The following TMA16 variants were observed in gnomAD, a reference collection of about 807,000 sequenced individuals.
TMA16 encodes the protein translation machinery associated 16 homolog, also known as translation machinery-associated protein 16.
TMA16 carries 26 observed loss-of-function variants against 27.1 expected under a neutral mutation model. The observed-to-expected ratio is 0.96, with a 90% CI of 0.70 to 1.33. TMA16 has a LOEUF of 1.33. Among genes scored for constraint, TMA16 ranks in the 40% most tolerant of loss-of-function variants. TMA16 has a pLI of 0.00. For missense variants in TMA16, 233 were observed against 241.4 expected (o/e 0.97, Z 0.23); for synonymous variants, 71 against 81.9 (o/e 0.87, Z 0.72).
At chr4:163,517,200 C>T in intron 5 of TMA16, 1 of 493,494 alleles carries the variant, frequency 2.0e-6, no homozygotes, top group Non-Finnish European at 3.6e-6. Context: ...CCGCGCCTGG[C>T]CTAATAGCTT....
chr4:163,517,349 T>A (rs988335648), intron 5 of TMA16, 85 bp from the exon 6 acceptor site: 3 of 1,340,830 alleles, frequency 2.2e-6, no homozygotes, highest in Non-Finnish European at 3.1e-6. Flanking sequence ...TTGGATATTC[T>A]TGCTAAAAAT....
intron 1 of TMA16, among the ~76,000 whole-genome samples, chr4:163,500,917 A>ATT (rs1737641564): frequency 6.6e-6 from 1 of 152,230 alleles, no homozygotes. Flanking sequence ...GATAGAAGGC[A>ATT]AGTACTATTG....
intron 3 of TMA16, among the ~76,000 whole-genome samples, chr4:163,513,757 C>G (rs558787149): frequency 7.2e-5 from 11 of 152,114 alleles, no homozygotes; most frequent in Non-Finnish European, 1.5e-4. Flanking sequence ...TTTTGACAAG[C>G]TGTCCTTTGC....
chr4:163,519,919 T>C lies in TMA16; in HGVS notation c.*405T>C. The stretch of plus-strand genomic sequence containing the variant: ...GAGCTGTGATAATAGCAAAATTGTT[T>C]TTCGGTAATAATATCACACTAATGC... On this transcript the variant is annotated 3_prime_UTR_variant, in exon 7 of 7. Coordinates refer to ENST00000358572, the MANE Select transcript of TMA16 (RefSeq NM_018352.3). 1.8e-6 allele frequency: 1 copy of C among 558,944 alleles called. No homozygotes were observed. The allele number at this position is 558,944 out of a possible 1,614,324, so 34.6% of individuals were successfully genotyped here.
At chr4:163,500,896 G>C (rs1560912051) in intron 1 of TMA16, among the ~76,000 whole-genome samples, 1 of 152,212 alleles carries the variant, frequency 6.6e-6, no homozygotes, top group African/African-American at 2.4e-5. Context: ...CCTGTACTAT[G>C]TGTTAGAAAA....
chr4:163,517,518 G>A (rs1737899433), intron 6 of TMA16, 42 bp downstream of exon 6: 1 of 1,564,408 alleles, frequency 6.4e-7, no homozygotes, highest in Non-Finnish European at 8.7e-7. Flanking sequence ...TGTGTGTAAA[G>A]TACCTGACAG....
chr4:163,503,185 C>A (rs964524266), intron 1 of TMA16, among the ~76,000 whole-genome samples: 1 of 152,118 alleles, frequency 6.6e-6, no homozygotes, highest in African/African-American at 2.4e-5. Context: ...AAGGAAATCA[C>A]CTACTGACTC....
chr4:163,500,929 A>G (rs1737641797), intron 1 of TMA16, among the ~76,000 whole-genome samples: 2 of 152,242 alleles, frequency 1.3e-5, no homozygotes, highest in South Asian at 4.1e-4. Context: ...GTACTATTGT[A>G]TTTAAGTTGG....
At position 163,507,100 on chromosome 4, in the gene TMA16, C is replaced by G; in HGVS notation, c.71C>G (p.Ala24Gly). The change falls in exon 2 of 7, where the codon GCA becomes GGA. Residue 24 changes from alanine (A) to glycine (G), a missense_variant. Ala to Gly is a moderately conservative substitution (Grantham distance 60). Coordinates refer to ENST00000358572, the MANE Select transcript of TMA16 (RefSeq NM_018352.3). ...GTCATCCATCCATATAGTAGAAAAGCAGCTCAAATTACGAGAGAGGCCCAC... is the reference window on the plus strand; with the variant it reads ...GTCATCCATCCATATAGTAGAAAAGGAGCTCAAATTACGAGAGAGGCCCAC... The part of the protein sequence containing the change: ...KKVIHPYSRK[A>G]AQITREAHKQ... 1 of 1,593,318 alleles carries G rather than the reference C, an allele frequency of 6.3e-7. No homozygotes were observed. Among genetic ancestry groups the G allele is most frequent in the South Asian group, 1.1e-5 (1 of 87,482 alleles).
chr4:163,507,009 G>A lies in TMA16; in HGVS notation c.4-24G>A, dbSNP rs762743903. On this transcript the variant is annotated intron_variant, in intron 1 of 6. Coordinates refer to ENST00000358572, the MANE Select transcript of TMA16 (RefSeq NM_018352.3). ...GGCACTTACATATCTGACTATATGT[G>A]TCATGTGTTTTCATACATTTTAGCC... The A allele has an allele frequency of 8.4e-6, 13 of 1,551,446 alleles. No homozygotes were observed. In the South Asian group the frequency reaches 1.6e-4, roughly 19 times the overall value.
Position 163,494,899 on chromosome 4 carries a change from A to G in TMA16, c.3+95A>G, listed in dbSNP as rs182064179. On this transcript the variant is annotated intron_variant, in intron 1 of 6. Coordinates refer to ENST00000358572, the MANE Select transcript of TMA16 (RefSeq NM_018352.3). ...AGGGAGGGTGCGGTTTCGGGAACCT[A>G]GGAGAGGGGAGGATGCAAAGTGTTT... 2.7e-4 allele frequency: 409 copies of G among 1,531,970 alleles called. 2 individuals carry two copies. The African/African-American group carries it at 5.1e-3, about 19-fold the overall frequency. The allele number at this position is 1,531,970 out of a possible 1,614,324, so 94.9% of individuals were successfully genotyped here.
chr4:163,499,711 T>G (rs1263670481), intron 1 of TMA16, among the ~76,000 whole-genome samples: 3 of 151,774 alleles, frequency 2.0e-5, no homozygotes, highest in African/African-American at 7.2e-5. Context: ...GATTATATTG[T>G]TTTTTAAATT....
At chr4:163,502,399 TC>T (rs1442832688) in intron 1 of TMA16, among the ~76,000 whole-genome samples, 5 of 152,194 alleles carry the variant, frequency 3.3e-5, no homozygotes, top group Non-Finnish European at 7.4e-5. Context: ...CAGGGCAGCA[TC>T]CCACTTTCTT....
At chr4:163,507,601 T>G (rs1015471388) in intron 2 of TMA16, among the ~76,000 whole-genome samples, 22 of 152,102 alleles carry the variant, frequency 1.4e-4, no homozygotes, top group African/African-American at 5.3e-4. Flanking sequence ...GACACAAATT[T>G]GGGAGCGATC....
At chr4:163,510,290 G>T (rs1737773561) in intron 2 of TMA16, among the ~76,000 whole-genome samples, 1 of 152,244 alleles carries the variant, frequency 6.6e-6, no homozygotes, top group South Asian at 2.1e-4. Context: ...TTTGGGTTTT[G>T]ACAATTGTAT....
chr4:163,507,224 T>G, intron 2 of TMA16, 79 bp downstream of exon 2: 1 of 1,224,038 alleles, frequency 8.2e-7, no homozygotes, highest in Non-Finnish European at 1.1e-6. Flanking sequence ...ATATATCCTT[T>G]CACAGTATTG....
intron 1 of TMA16, among the ~76,000 whole-genome samples, chr4:163,499,960 A>AT (rs1157776295): frequency 1.3e-5 from 2 of 151,940 alleles, no homozygotes; most frequent in Non-Finnish European, 2.9e-5. Context: ...ACCAAATGTT[A>AT]TTTTTTGTCT....
chr4:163,501,123 T>G (rs1737644766), intron 1 of TMA16, among the ~76,000 whole-genome samples: 1 of 152,198 alleles, frequency 6.6e-6, no homozygotes, highest in African/African-American at 2.4e-5. Flanking sequence ...CATCTGAATA[T>G]TCTTGGGAGA....
chr4:163,494,731 C>A lies in TMA16; in HGVS notation c.-71C>A. The A allele has an allele frequency of 6.2e-7, 1 of 1,610,218 alleles. No homozygotes were observed. Among genetic ancestry groups the A allele is most frequent in the Admixed American group, 1.7e-5 (1 of 59,970 alleles). ...TCGGCCCGGGTGCTCTTGTGAGCTG[C>A]TGCTCCTGCGGTTGGTGAGATTACC... On this transcript the variant is annotated 5_prime_UTR_variant, in exon 1 of 7. In the 5' UTR this introduces an upstream ATG that the reference lacks. Coordinates refer to ENST00000358572, the MANE Select transcript of TMA16 (RefSeq NM_018352.3).
Sources: allele counts gnomAD v4.1 joint callset (sites outside exome capture counted in the v4.1 genomes callset), GRCh38; gene constraint gnomAD v4.1.1; transcripts MANE v1.5; gene names NCBI Gene and HGNC (gene_info 2026-07-23, HGNC 2026-07-21).